The following GRID1 variants were observed in gnomAD, a reference collection of about 807,000 sequenced individuals.
GRID1 encodes glutamate ionotropic receptor delta type subunit 1.
GRID1 carries 28 observed loss-of-function variants against 98.0 expected under a neutral mutation model. The observed-to-expected ratio is 0.29, with a 90% CI of 0.21 to 0.39. The LOEUF (loss-of-function observed/expected upper bound fraction) is 0.39. Among genes scored for constraint, GRID1 ranks in the 10% least tolerant of loss-of-function variants. The pLI is 1.00. For missense variants in GRID1, 1,111 were observed against 1,340.5 expected (o/e 0.83, Z 2.67); for synonymous variants, 553 against 538.5 (o/e 1.03, Z -0.37).
chr10:85,887,405 T>C (rs1486031729), intron 5 of GRID1, among the ~76,000 whole-genome samples: 7 of 152,180 alleles, frequency 4.6e-5, no homozygotes, highest in African/African-American at 1.7e-4. Context: ...GTCTCCCTGG[T>C]TTGCACAGGC....
intron 8 of GRID1, among the ~76,000 whole-genome samples, chr10:85,746,566 T>C (rs747184254): frequency 4.6e-5 from 7 of 152,152 alleles, no homozygotes; most frequent in Non-Finnish European, 7.3e-5. Context: ...CTTATGACCG[T>C]TGCACTGGGG....
intron 5 of GRID1, among the ~76,000 whole-genome samples, chr10:85,881,669 C>T (rs1469919104): frequency 2.0e-5 from 3 of 152,112 alleles, no homozygotes; most frequent in African/African-American, 7.2e-5. Context: ...ACCATAAAAA[C>T]CCTAGAAGAA....
At chr10:86,060,593 G>A (rs117852793) in intron 4 of GRID1, among the ~76,000 whole-genome samples, 2,609 of 152,302 alleles carry the variant, frequency 0.017, 37 homozygotes, top group Middle Eastern at 0.058. Context: ...TCTAAAGCCC[G>A]GGTCACTTAA....
intron 8 of GRID1, among the ~76,000 whole-genome samples, chr10:85,850,111 T>C (rs1843044101): frequency 6.6e-6 from 1 of 152,230 alleles, no homozygotes; most frequent in South Asian, 2.1e-4. Context: ...ATCGGGTGGA[T>C]GCCACCCACG....
At chr10:85,776,024 AC>A (rs1365080399) in intron 8 of GRID1, among the ~76,000 whole-genome samples, 11 of 152,128 alleles carry the variant, frequency 7.2e-5, no homozygotes, top group Non-Finnish European at 1.5e-4. Flanking sequence ...GAAAAAAAAA[AC>A]ATACTCAAAA....
At chr10:86,050,104 A>G (rs1428472746) in intron 4 of GRID1, among the ~76,000 whole-genome samples, 3 of 152,204 alleles carry the variant, frequency 2.0e-5, no homozygotes, top group Non-Finnish European at 4.4e-5. Context: ...GATTCCACAG[A>G]TGGCTCACAG....
intron 4 of GRID1, among the ~76,000 whole-genome samples, chr10:86,044,560 G>C (rs1843394129): frequency 6.6e-6 from 1 of 152,148 alleles, no homozygotes. Flanking sequence ...GGTTTTCCCA[G>C]GGTCCTGAGA....
intron 12 of GRID1, among the ~76,000 whole-genome samples, chr10:85,663,825 T>C (rs747988255): frequency 3.9e-5 from 6 of 152,212 alleles, no homozygotes; most frequent in Non-Finnish European, 4.4e-5. Flanking sequence ...TAGACAACTG[T>C]TGCAACATGG....
intron 6 of GRID1, among the ~76,000 whole-genome samples, chr10:85,856,784 T>C (rs1843114092): frequency 1.3e-5 from 2 of 152,226 alleles, no homozygotes; most frequent in Non-Finnish European, 2.9e-5. Flanking sequence ...AGAGGCAATA[T>C]ACTGGATTTG....
rs1394486485 is a variant in GRID1, at chr10:86,182,553, A to C, written c.520+23811T>G. Among the ~76,000 whole-genome samples the C allele has an allele frequency of 2.0e-5, 3 of 152,246 alleles. No homozygotes were observed. The East Asian group carries it at 5.8e-4, about 29-fold the overall frequency. On this transcript the variant is annotated intron_variant, in intron 3 of 15. Transcript: ENST00000327946. Reference sequence around the variant, plus strand: ...CCACCTGATGGCTTCTGAGCAGGCCAGAGATGTACTAATAAACCTTAATGC... The same window carrying C: ...CCACCTGATGGCTTCTGAGCAGGCCCGAGATGTACTAATAAACCTTAATGC...
chr10:86,066,231 C>G (rs78720992), intron 4 of GRID1, among the ~76,000 whole-genome samples: 1 of 152,066 alleles, frequency 6.6e-6, no homozygotes. Flanking sequence ...CCCAGAGAGA[C>G]GAATTCAGGG....
At chr10:86,073,077 GTTGT>G (rs1482653433) in intron 4 of GRID1, among the ~76,000 whole-genome samples, 2 of 152,210 alleles carry the variant, frequency 1.3e-5, no homozygotes, top group South Asian at 2.1e-4. Context: ...CAGTTTGTAA[GTTGT>G]TTGTTAGTAA....
chr10:85,737,976 A>G (rs963024681), intron 8 of GRID1, among the ~76,000 whole-genome samples: 1 of 151,986 alleles, frequency 6.6e-6, no homozygotes, highest in African/African-American at 2.4e-5. Flanking sequence ...CTGGAATTTT[A>G]ACAATCTTAA....
In GRID1 at chr10:85,785,106, G is replaced by A. The variant is rs573841034; in HGVS notation, c.1234-55492C>T. ...CTGGGGCCTGGCCTGACTGAGAGGCGCATGCACATGCACACACTTGTGCAC... is the reference window on the plus strand; with the variant it reads ...CTGGGGCCTGGCCTGACTGAGAGGCACATGCACATGCACACACTTGTGCAC... On this transcript the variant is annotated intron_variant, in intron 8 of 15. Coordinates refer to ENST00000327946, the MANE Select transcript of GRID1 (RefSeq NM_017551.3). Among the ~76,000 whole-genome samples, 24 of 152,286 alleles carry A rather than the reference G, an allele frequency of 1.6e-4. No individual in the cohort carries two copies. The South Asian group carries it at 1.9e-3, about 12-fold the overall frequency.
rs1418991108 is a variant in GRID1 at position 85,811,245 on chromosome 10, C to T, written c.1233+43251G>A. On this transcript the variant is annotated intron_variant, in intron 8 of 15. Transcript: ENST00000327946. The stretch of plus-strand genomic sequence containing the variant: ...ACCCATCTATAGGAATAAGGCTTTT[C>T]CTATGAAACCTATTCTATAAAATTG... Among the ~76,000 whole-genome samples, 12 of 152,296 alleles carry T rather than the reference C, an allele frequency of 7.9e-5. No homozygotes were observed. In the East Asian group the frequency reaches 2.1e-3, roughly 27 times the overall value.
chr10:85,975,209 A>G (rs1459212113), intron 4 of GRID1, among the ~76,000 whole-genome samples: 1 of 152,186 alleles, frequency 6.6e-6, no homozygotes, highest in Non-Finnish European at 1.5e-5. Context: ...ACTTCCCCAC[A>G]TTCAGTTTCT....
chr10:86,020,014 G>A (rs1282001106), intron 4 of GRID1, among the ~76,000 whole-genome samples: 1 of 152,170 alleles, frequency 6.6e-6, no homozygotes, highest in East Asian at 1.9e-4. Context: ...CTTACCATGG[G>A]GAAAACCATG....
intron 2 of GRID1, among the ~76,000 whole-genome samples, chr10:86,224,956 C>A (rs1332342659): frequency 2.6e-5 from 4 of 152,248 alleles, no homozygotes; most frequent in East Asian, 3.8e-4. Context: ...AATTTAGGAA[C>A]CGTGTTGAGG....
At chr10:85,992,251 C>G (rs1012958484) in intron 4 of GRID1, among the ~76,000 whole-genome samples, 3 of 152,122 alleles carry the variant, frequency 2.0e-5, no homozygotes, top group Admixed American at 6.5e-5. Flanking sequence ...TTGTGAGGAG[C>G]AATACCAAGG....
Sources: gnomAD v4.1 joint callset for allele counts (sites outside exome capture counted in the v4.1 genomes callset) on GRCh38, gnomAD v4.1.1 for gene constraint, MANE v1.5 for transcripts, NCBI Gene and HGNC (gene_info 2026-07-23, HGNC 2026-07-21) for gene names.